CIZ1: variants seen among roughly 807,000 people sequenced by gnomAD.
CIZ1 encodes the protein CDKN1A interacting zinc finger protein 1.
A neutral mutation model predicts 118.6 loss-of-function variants in CIZ1; 58 were observed. That is an observed-to-expected ratio of 0.49 (90% confidence interval 0.40 to 0.61). The LOEUF is 0.61. Among genes scored for constraint, CIZ1 ranks in the 20% least tolerant of loss-of-function variants. The probability of loss-of-function intolerance (pLI) is 0.00; values close to 1 mark genes in which losing one functional copy is unlikely to be tolerated. For missense variants in CIZ1, 921 were observed against 1,115.9 expected, an observed-to-expected ratio of 0.83 and a Z score of 2.49; for synonymous variants, 448 against 443.4, an observed-to-expected ratio of 1.01 and a Z score of -0.13.
chr9:128,200,669 A>G (rs1833490460), intron 1 of CIZ1, among the ~76,000 whole-genome samples: 1 of 150,164 alleles, frequency 6.7e-6, no homozygotes, highest in Non-Finnish European at 1.5e-5. Flanking sequence ...AAAAAAAAAA[A>G]AGAAAGAAAT....
intron 11 of CIZ1, among the ~76,000 whole-genome samples, chr9:128,174,016 C>CGAAAAA (rs1554754798): frequency 1.2e-4 from 9 of 73,296 alleles, no homozygotes; most frequent in African/African-American, 3.4e-4. Context: ...AAAAACAAAA[C>CGAAAAA]AAAAAAACAA....
chr9:128,177,667 T>G lies in CIZ1; in HGVS notation c.1717A>C (p.Ser573Arg). Residue 573 changes from serine to arginine, a missense_variant, in exon 10 of 17, where the codon AGT (serine) becomes CGT (arginine). By Grantham distance (110) the Ser-to-Arg change is moderately radical. Coordinates refer to ENST00000372938, the MANE Select transcript of CIZ1 (RefSeq NM_001131016.2). ...TVPLTPVPRP[S>R]DSVSSTPAAT... ...GCAGGGGTGGAGGAGACGGAGTCACTGGGGCGGGGGACAGGTGTCAGGGGT... is the reference window on the plus strand; with the variant it reads ...GCAGGGGTGGAGGAGACGGAGTCACGGGGGCGGGGGACAGGTGTCAGGGGT... 1 of 1,599,500 alleles carries G rather than the reference T, an allele frequency of 6.3e-7. No homozygotes were observed. The highest frequency in any genetic ancestry group is 8.5e-7 in the Non-Finnish European group (1 of 1,173,352).
chr9:128,191,634 C>T (rs546782898), upstream of CIZ1: 162 of 1,227,046 alleles, frequency 1.3e-4, no homozygotes, highest in East Asian at 4.8e-3. This position sits in a 1 kb window ranked among gnomAD's most constrained non-coding sequence, Gnocchi z 5.5. Context: ...GTCCAGGCGC[C>T]TCCGGCCGCG....
At position 128,170,094 on chromosome 9, in the gene CIZ1, T is replaced by G. The variant is rs45611034; in HGVS notation, c.1957A>C (p.Arg653=). ...AGCTGGCAGGTGTTGCACCAGCGCC[T>G]TGGTGGAGGCTCCCTGAATGACAAC... ...LETEDEEPPP[R]RWCNTCQLYY... The change falls in exon 12 of 17, where the codon AGG becomes CGG. Residue 653 remains arginine (R), a synonymous_variant. Transcript: ENST00000372938. The G allele has an allele frequency of 0.021, 34,462 of 1,605,114 alleles. 462 individuals are homozygous for G. Among genetic ancestry groups the G allele is most frequent in the Middle Eastern group, 0.054 (325 of 6,048 alleles).
intron 10 of CIZ1, 34 bp downstream of exon 10, chr9:128,177,532 C>T (rs1382798229): frequency 3.5e-6 from 4 of 1,128,452 alleles, no homozygotes; most frequent in African/African-American, 1.5e-5. Flanking sequence ...ACGCAGGCCC[C>T]ACCCCTCCCC....
At chr9:128,173,745 A>ACC (rs1830459799) in intron 11 of CIZ1, among the ~76,000 whole-genome samples, 3 of 151,860 alleles carry the variant, frequency 2.0e-5, no homozygotes, top group Admixed American at 6.6e-5. Context: ...GGTGGCTTGC[A>ACC]CCTGTAATCC....
rs776701482 is a variant in CIZ1 at position 128,176,376 on chromosome 9, G to A, written c.1918C>T (p.Arg640Trp). The change falls in exon 11 of 17, where the codon CGG becomes TGG. Residue 640 changes from arginine to tryptophan, a missense_variant. Arg to Trp is a moderately radical substitution (Grantham distance 101). Transcript: ENST00000372938. ...TCATCCTCTGTCTCCAGGACGTCCC[G>A]GGGCACGGGCAGCAGGGACAGGAGG... ...ACLLSLLPVP[R>W]DVLETEDEEP... The A allele has an allele frequency of 8.1e-6, 13 of 1,613,892 alleles. No homozygotes were observed. Among genetic ancestry groups the A allele is most frequent in the African/African-American group, 6.7e-5 (5 of 74,926 alleles).
chr9:128,171,594 G>A (rs1047198341), intron 11 of CIZ1, among the ~76,000 whole-genome samples: 20 of 150,842 alleles, frequency 1.3e-4, no homozygotes, highest in Non-Finnish European at 2.5e-4. Flanking sequence ...AAAATTAGCC[G>A]GGTGTGGTGG....
At chr9:128,187,636 C>T (rs1412686438) in intron 4 of CIZ1, among the ~76,000 whole-genome samples, 2 of 152,020 alleles carry the variant, frequency 1.3e-5, no homozygotes, top group African/African-American at 4.8e-5. Flanking sequence ...AGCCAACCAG[C>T]TCTTAAAAAC....
rs750116973 is a variant in CIZ1, at chr9:128,169,127, G to A, written c.2220C>T (p.Phe740=). 5.0e-6 allele frequency: 8 copies of A among 1,613,896 alleles called. No individual in the cohort carries two copies. Among genetic ancestry groups the A allele is most frequent in the Middle Eastern group, 1.6e-4 (1 of 6,084 alleles). Residue 740 remains phenylalanine, a synonymous_variant, in exon 14 of 17, where the codon TTC becomes TTT. Transcript: ENST00000372938. ...CCTCTTCCTCTTCTTCATCACCCTC[G>A]AAGCAACCCACAGCGTCCACTGTAA... The part of the protein sequence containing the change: ...HFITVDAVGC[F]EGDEEEEEDD...
chr9:128,179,861 G>C (rs1161621610), intron 7 of CIZ1, among the ~76,000 whole-genome samples: 1 of 151,692 alleles, frequency 6.6e-6, no homozygotes, highest in Non-Finnish European at 1.5e-5. Context: ...TAGTAGAGAC[G>C]GGGTTTCTCC....
At chr9:128,185,502 C>A in intron 5 of CIZ1, 45 bp downstream of exon 5, 1 of 1,324,174 alleles carries the variant, frequency 7.6e-7, no homozygotes, top group Non-Finnish European at 1.0e-6. Context: ...GGGGCTGACA[C>A]CCAGGGTCCC....
At chr9:128,168,534 A>AAG (rs1829737301) in intron 14 of CIZ1, among the ~76,000 whole-genome samples, 1 of 151,784 alleles carries the variant, frequency 6.6e-6, no homozygotes, top group African/African-American at 2.4e-5. Context: ...AAAAGAAAAA[A>AAG]AAAAAAAAAC....
At position 128,191,464 on chromosome 9, in the gene CIZ1, C is replaced by CGCCCCCACGGATGGGCCGGCCCCGCA; in HGVS notation, c.-64_-39dup. Reference sequence around the variant, plus strand: ...CCCCGCGCGCCCTCAACGCTCAAGTCGCCCCCACGGATGGGCCGGCCCCGC... The same window carrying CGCCCCCACGGATGGGCCGGCCCCGCA: ...CCCCGCGCGCCCTCAACGCTCAAGTCGCCCCCACGGATGGGCCGGCCCCGCAGCCCCCACGGATGGGCCGGCCCCGC... On this transcript the variant is annotated 5_prime_UTR_variant, in exon 1 of 17. Coordinates refer to ENST00000372938, the MANE Select transcript of CIZ1 (RefSeq NM_001131016.2). This position sits in a 1 kb window ranked among gnomAD's most constrained non-coding sequence, Gnocchi z 5.5. The CGCCCCCACGGATGGGCCGGCCCCGCA allele has an allele frequency of 1.0e-6, 1 of 985,362 alleles. No individual in the cohort carries two copies. Among genetic ancestry groups the CGCCCCCACGGATGGGCCGGCCCCGCA allele is most frequent in the Non-Finnish European group, 1.2e-6 (1 of 827,754 alleles). The allele number at this position is 985,362 out of a possible 1,614,324, so 61.0% of individuals were successfully genotyped here.
rs751741699 is a variant in CIZ1 at position 128,203,518 on chromosome 9, G to A, written c.-6+668C>T. 2.6e-6 allele frequency: 4 copies of A among 1,541,616 alleles called. No homozygotes were observed. The South Asian group carries it at 4.8e-5, about 18-fold the overall frequency. Reference sequence around the variant, plus strand: ...ATCTCATCCCGCTGGTCAACCGGCTGCAAGACGCCTTCTCTGCCATCGGCC... The same window carrying A: ...ATCTCATCCCGCTGGTCAACCGGCTACAAGACGCCTTCTCTGCCATCGGCC... On this transcript the variant is annotated intron_variant, in intron 1 of 17. Coordinates refer to the CIZ1 transcript ENST00000372948. The surrounding 1 kb of genome is among the most constrained non-coding windows in gnomAD (Gnocchi z 5.3).
chr9:128,168,884 A>C (rs1829778121), intron 14 of CIZ1, 168 bp downstream of exon 14: 1 of 954,084 alleles, frequency 1.0e-6, no homozygotes, highest in African/African-American at 1.6e-5. Flanking sequence ...TCTAGTCATC[A>C]TGCATAATTA....
chr9:128,169,995 C>T, intron 12 of CIZ1, 25 bp downstream of exon 12: 2 of 1,597,210 alleles, frequency 1.3e-6, no homozygotes, highest in Non-Finnish European at 1.7e-6. Context: ...GTGCGGGTGC[C>T]TCTGCAGCGT....
intron 11 of CIZ1, among the ~76,000 whole-genome samples, chr9:128,173,734 T>TGC (rs1830455196): frequency 1.3e-5 from 2 of 151,874 alleles, no homozygotes; most frequent in Admixed American, 6.6e-5. Context: ...GGGCCGGGCA[T>TGC]GGTGGCTTGC....
intron 5 of CIZ1, among the ~76,000 whole-genome samples, chr9:128,182,969 C>G (rs1831875380): frequency 6.6e-6 from 1 of 152,110 alleles, no homozygotes; most frequent in Non-Finnish European, 1.5e-5. Context: ...GCATTAATAT[C>G]TCTCACCACC....
Sources: allele counts gnomAD v4.1 joint callset (sites outside exome capture counted in the v4.1 genomes callset), GRCh38; gene constraint gnomAD v4.1.1; non-coding constraint Gnocchi (gnomAD v3.1); transcripts MANE v1.5; gene names NCBI Gene and HGNC (gene_info 2026-07-23, HGNC 2026-07-21).